The following ETFB variants were observed in gnomAD, a reference collection of about 807,000 sequenced individuals.
ETFB encodes beta-ETF.
A neutral mutation model predicts 25.6 loss-of-function variants in ETFB; 20 were observed. The observed-to-expected ratio is 0.78, with a 90% confidence interval of 0.55 to 1.14. The LOEUF (loss-of-function observed/expected upper bound fraction) is 1.14, where lower values mean the gene tolerates loss of function less well. ETFB is among the 50% of genes most tolerant of loss of function. ETFB has a pLI of 0.00. For missense variants in ETFB, 286 were observed against 342.6 expected (o/e 0.83, Z 1.30); for synonymous variants, 142 against 146.7 (o/e 0.97, Z 0.23).
chr19:51,352,930 A>C (rs991800105), intron 3 of ETFB, among the ~76,000 whole-genome samples: 11 of 152,142 alleles, frequency 7.2e-5, no homozygotes, highest in African/African-American at 2.7e-4. Context: ...GCCTGGCCCA[A>C]GAGGATCTTT....
chr19:51,359,698 G>C (rs1284091927), intron 1 of ETFB, among the ~76,000 whole-genome samples: 2 of 152,160 alleles, frequency 1.3e-5, no homozygotes, highest in African/African-American at 4.8e-5. Context: ...CATAAGTCAG[G>C]AAACAATGGT....
In ETFB at chr19:51,346,874, TCAGTGCCCGCTGGC is replaced by T. The variant is rs756531454; in HGVS notation, c.597+12_597+25del. The T allele has an allele frequency of 1.0e-4, 155 of 1,542,640 alleles. No homozygotes were observed. The highest frequency in any genetic ancestry group is 1.3e-4 in the Non-Finnish European group (150 of 1,144,722). On this transcript the variant is annotated intron_variant, in intron 5 of 5. Transcript: ENST00000309244. ...CAATGTGCTTGCCACCCCCAGGCCCTCAGTGCCCGCTGGCCAGGGGCTCACCATGATGTTGGGCA... is the reference window on the plus strand; with the variant it reads ...CAATGTGCTTGCCACCCCCAGGCCCTCAGGGGCTCACCATGATGTTGGGCA...
At chr19:51,362,392 A>G (rs1299818068) in intron 1 of ETFB, among the ~76,000 whole-genome samples, 1 of 152,164 alleles carries the variant, frequency 6.6e-6, no homozygotes, top group Non-Finnish European at 1.5e-5. Flanking sequence ...AGCCTGGCTA[A>G]CATAGCAAAA....
At chr19:51,350,094 A>C in intron 4 of ETFB, 2 of 488,776 alleles carry the variant, frequency 4.1e-6, no homozygotes, top group Non-Finnish European at 7.6e-6. Flanking sequence ...GGACTGGGGA[A>C]CCTAGAGTTG....
chr19:51,353,278 T>C lies in ETFB; in HGVS notation c.229A>G (p.Thr77Ala). 1 of 1,613,994 alleles carries C rather than the reference T, an allele frequency of 6.2e-7. No individual in the cohort carries two copies. Among genetic ancestry groups the C allele is most frequent in the Non-Finnish European group, 8.5e-7 (1 of 1,179,986 alleles). The part of the protein sequence containing the change: ...GPAQCQETIR[T>A]ALAMGADRGI... ...CGGTCTGCACCCATGGCCAGGGCGG[T>C]ACGAATCGTCTCCTGCCAAGGACAG... The change falls in exon 3 of 6, where the codon ACC becomes GCC. Residue 77 changes from threonine (T) to alanine (A), a missense_variant. Transcript: ENST00000309244.
At chr19:51,350,656 TG>T (rs1308778316) in intron 3 of ETFB, among the ~76,000 whole-genome samples, 6 of 152,246 alleles carry the variant, frequency 3.9e-5, no homozygotes, top group Admixed American at 3.3e-4. Context: ...AGCTAATTTT[TG>T]TATTTTCAGT....
At chr19:51,354,755 A>C in intron 1 of ETFB, 1 of 1,221,418 alleles carries the variant, frequency 8.2e-7, no homozygotes, top group Admixed American at 2.0e-5. Flanking sequence ...TCAGAGGAGC[A>C]GCCTGCCTGA....
At chr19:51,364,278 A>C (rs554114185) in intron 1 of ETFB, among the ~76,000 whole-genome samples, 1 of 152,230 alleles carries the variant, frequency 6.6e-6, no homozygotes, top group East Asian at 1.9e-4. Flanking sequence ...GGTGTTTAGG[A>C]AGCTGGCAGG....
intron 4 of ETFB, among the ~76,000 whole-genome samples, chr19:51,348,844 T>C (rs1985862534): frequency 6.6e-6 from 1 of 152,218 alleles, no homozygotes; most frequent in African/African-American, 2.4e-5. Flanking sequence ...GTGTTTCTCA[T>C]AGAAATTTAG....
chr19:51,363,046 A>G (rs960465770), intron 1 of ETFB, among the ~76,000 whole-genome samples: 3 of 152,134 alleles, frequency 2.0e-5, no homozygotes, highest in African/African-American at 7.2e-5. Flanking sequence ...TTTCATCTCT[A>G]GCAAACATAC....
Position 51,350,280 on chromosome 19 carries a change from G to A in ETFB, c.438+49C>T, listed in dbSNP as rs776157430. 10 of 1,583,516 alleles carry A rather than the reference G, an allele frequency of 6.3e-6. No individual in the cohort carries two copies. The East Asian group carries it at 1.8e-4, about 29-fold the overall frequency. ...AGGCCTTGAGGCAGAAATGAAGTTT[G>A]AGGGATGAGGGCCTGGCCCTCAGCA... On this transcript the variant is annotated intron_variant, in intron 4 of 5. Coordinates refer to ENST00000309244, the MANE Select transcript of ETFB (RefSeq NM_001985.3).
chr19:51,358,388 C>T (rs938479163), intron 1 of ETFB, among the ~76,000 whole-genome samples: 3 of 152,122 alleles, frequency 2.0e-5, no homozygotes, highest in Non-Finnish European at 4.4e-5. Context: ...GGACTGAGAC[C>T]GGGCGCAGTG....
At chr19:51,351,665 C>T (rs930862641) in intron 3 of ETFB, among the ~76,000 whole-genome samples, 11 of 152,228 alleles carry the variant, frequency 7.2e-5, no homozygotes, top group Non-Finnish European at 2.9e-5. Context: ...GTAGGCCCTT[C>T]GGCCACAGTT....
At position 51,366,370 on chromosome 19, in the gene ETFB, G is replaced by T. The variant is rs751253707; in HGVS notation, c.-44C>A. The T allele has an allele frequency of 1.3e-6, 2 of 1,595,856 alleles. No individual in the cohort carries two copies. Among genetic ancestry groups the T allele is most frequent in the Non-Finnish European group, 8.5e-7 (1 of 1,170,246 alleles). On this transcript the variant is annotated 5_prime_UTR_variant, in exon 1 of 6. Coordinates refer to ENST00000309244, the MANE Select transcript of ETFB (RefSeq NM_001985.3). ...TACAGGGTCAGCCCGCACCCTCAGC[G>T]GCTCAGTCCAGAAGCCCCACCACCC...
chr19:51,347,649 T>C (rs976460133), intron 4 of ETFB: 2 of 153,864 alleles, frequency 1.3e-5, no homozygotes, highest in African/African-American at 2.4e-5. Flanking sequence ...TTTCCTCCCC[T>C]GGTAACTGAT....
intron 4 of ETFB, 38 bp from the exon 5 acceptor site, chr19:51,347,096 T>C (rs1568465564): frequency 6.2e-7 from 1 of 1,611,404 alleles, no homozygotes; most frequent in East Asian, 2.2e-5. Context: ...TGGGTGAGGC[T>C]AATTCAGGTC....
chr19:51,345,776 C>G (rs1474301552), intron 5 of ETFB: 3 of 341,360 alleles, frequency 8.8e-6, no homozygotes, highest in East Asian at 1.5e-4. Flanking sequence ...TGCGCTGAAC[C>G]CTCCCTATAG....
chr19:51,363,596 G>A (rs1239531484), intron 1 of ETFB, among the ~76,000 whole-genome samples: 2 of 152,048 alleles, frequency 1.3e-5, no homozygotes, highest in African/African-American at 2.4e-5. Context: ...CTACAGATAC[G>A]TGCCACCATG....
At position 51,365,948 on chromosome 19, in the gene ETFB, T is replaced by G. The variant is rs3786626; in HGVS notation, c.57+322A>C. Among the ~76,000 whole-genome samples, 9 of 152,290 alleles carry G rather than the reference T, an allele frequency of 5.9e-5. No individual in the cohort carries two copies. In the East Asian group the frequency reaches 1.5e-3, roughly 26 times the overall value. ...TCTGCCCTTCTCTAGCTGGGTGACC[T>G]CTCTGTGCCTCAGTTTCTCCGTGCA... On this transcript the variant is annotated intron_variant, in intron 1 of 5. Coordinates refer to ENST00000309244, the MANE Select transcript of ETFB (RefSeq NM_001985.3).
Sources: allele counts gnomAD v4.1 joint callset (sites outside exome capture counted in the v4.1 genomes callset), GRCh38; gene constraint gnomAD v4.1.1; transcripts MANE v1.5; gene names NCBI Gene and HGNC (gene_info 2026-07-23, HGNC 2026-07-21).